The following DPP8 variants were observed in gnomAD, a reference collection of about 807,000 sequenced individuals.
DPP8 encodes the protein dipeptidyl peptidase 8.
A neutral mutation model predicts 107.5 loss-of-function variants in DPP8; 31 were observed. The ratio of observed to expected loss-of-function variants is 0.29; its 90% CI spans 0.22 to 0.39. DPP8 has a LOEUF of 0.39. DPP8 is among the 10% of genes least tolerant of loss of function. DPP8 has a pLI of 1.00. For synonymous variants in DPP8, 381 were observed against 356.6 expected, an observed-to-expected ratio of 1.07 and a Z score of -0.77; for missense variants, 842 against 1,076.1, an observed-to-expected ratio of 0.78 and a Z score of 3.04.
chr15:65,487,784 A>G lies in DPP8; in HGVS notation c.861T>C (p.Tyr287=), dbSNP rs1470963124. The change falls in exon 7 of 20, where the codon TAT becomes TAC. Residue 287 remains tyrosine (Y), a synonymous_variant. Coordinates refer to ENST00000300141, the MANE Select transcript of DPP8 (RefSeq NM_130434.5). ...PSGGKILRIL[Y]EENDESEVEI... is the part of the protein sequence containing the mutation. ...CCACCTCAGATTCATCATTTTCTTCATATAGAATTCTAAGAATTTTACCAC... is the reference window on the plus strand; with the variant it reads ...CCACCTCAGATTCATCATTTTCTTCGTATAGAATTCTAAGAATTTTACCAC... The G allele has an allele frequency of 1.3e-6, 2 of 1,583,196 alleles. No individual in the cohort carries two copies. Among genetic ancestry groups the G allele is most frequent in the Non-Finnish European group, 1.7e-6 (2 of 1,155,718 alleles).
chr15:65,464,485 C>G (rs1233643378), intron 14 of DPP8, among the ~76,000 whole-genome samples: 1 of 152,046 alleles, frequency 6.6e-6, no homozygotes, highest in Non-Finnish European at 1.5e-5. Flanking sequence ...AGTTTGTGAC[C>G]AGCCTGGGTG....
chr15:65,479,850 CAAAAAAAA>C (rs56303808), intron 10 of DPP8, among the ~76,000 whole-genome samples: 6 of 66,760 alleles, frequency 9.0e-5, no homozygotes, highest in Non-Finnish European at 1.8e-4. Context: ...GACTCCGTCT[CAAAAAAAA>C]AAAAAAAAAA....
In DPP8 at chr15:65,451,065, G is replaced by C; in HGVS notation, c.2460C>G (p.Val820=). 1 of 1,613,132 alleles carries C rather than the reference G, an allele frequency of 6.2e-7. No individual in the cohort carries two copies. The change falls in exon 19 of 20, where the codon GTC becomes GTG. Residue 820 remains valine, a synonymous_variant. Transcript: ENST00000300141. ...LLLHGFLDEN[V]HFAHTSILLS... ...GTAATATACTGGTATGTGCAAAATG[G>C]ACATTCTCATCCAGGAAACCATGTA...
At chr15:65,474,158 C>T (rs2066172911) in intron 12 of DPP8, 51 bp downstream of exon 12, 3 of 1,278,656 alleles carry the variant, frequency 2.3e-6, no homozygotes, top group Non-Finnish European at 3.4e-6. Context: ...TTTAGCACTG[C>T]ATTCACACAG....
intron 19 of DPP8, 28 bp from the exon 20 acceptor site, chr15:65,447,034 A>C (rs759933476): frequency 5.2e-5 from 24 of 465,396 alleles, no homozygotes; most frequent in Non-Finnish European, 6.6e-5. Context: ...ATAAAGATAC[A>C]AAAAAAAAAA....
At chr15:65,489,672 C>A (rs1440395637) in intron 6 of DPP8, among the ~76,000 whole-genome samples, 3 of 151,296 alleles carry the variant, frequency 2.0e-5, no homozygotes, top group Non-Finnish European at 2.9e-5. Flanking sequence ...CCTGCCTCAG[C>A]CTTCCAAAGT....
At chr15:65,482,372 C>T (rs909656326) in intron 8 of DPP8, among the ~76,000 whole-genome samples, 4 of 152,038 alleles carry the variant, frequency 2.6e-5, no homozygotes, top group Non-Finnish European at 5.9e-5. Flanking sequence ...ACCTCTGCCT[C>T]CCGGGTTTAA....
intron 10 of DPP8, among the ~76,000 whole-genome samples, chr15:65,479,908 T>C (rs945955180): frequency 7.5e-6 from 1 of 133,740 alleles, no homozygotes; most frequent in African/African-American, 2.7e-5. Flanking sequence ...TTTACCAACA[T>C]AAAAGAGAAA....
At chr15:65,497,512 C>T (rs115430021) in intron 5 of DPP8, among the ~76,000 whole-genome samples, 8,458 of 152,086 alleles carry the variant, frequency 0.056, 810 homozygotes, top group African/African-American at 0.19. Context: ...CCTCAGCCTC[C>T]CAGAGTGCTA....
At position 65,443,828 on chromosome 15, in the gene DPP8, C is replaced by CCA. The variant is rs2063388510; in HGVS notation, c.*3054_*3055dup. On this transcript the variant is annotated 3_prime_UTR_variant, in exon 20 of 20. Coordinates refer to ENST00000300141, the MANE Select transcript of DPP8 (RefSeq NM_130434.5). ...CTATAGAAGAGTTTCTTAAAGTAGT[C>CCA]CACAGATGACTTACTATAGGATCGC... is the stretch of plus-strand genomic sequence containing the variant. The CCA allele has an allele frequency of 6.6e-6, 1 of 152,176 alleles. No individual in the cohort carries two copies. The highest frequency in any genetic ancestry group is 1.5e-5 in the Non-Finnish European group (1 of 68,036). The allele number at this position is 152,176 out of a possible 1,614,324, so 9.4% of individuals were successfully genotyped here.
chr15:65,454,612 C>T (rs919655767), intron 16 of DPP8, among the ~76,000 whole-genome samples, 197 bp from the exon 17 acceptor site: 3 of 152,196 alleles, frequency 2.0e-5, no homozygotes, highest in Admixed American at 6.5e-5. Flanking sequence ...CTGCAACCTC[C>T]GCCTGGTGGA....
chr15:65,454,771 C>T (rs1261704086), intron 16 of DPP8, among the ~76,000 whole-genome samples: 4 of 152,190 alleles, frequency 2.6e-5, no homozygotes, highest in Non-Finnish European at 4.4e-5. Context: ...GTGATTCACC[C>T]GCCTCGGCCT....
At chr15:65,511,639 C>CAAA (rs373452327) in intron 2 of DPP8, among the ~76,000 whole-genome samples, 30 of 110,206 alleles carry the variant, frequency 2.7e-4, no homozygotes, top group South Asian at 6.2e-4. Flanking sequence ...GACCCTGTCT[C>CAAA]AAAAAAAAAA....
rs2063937784 is a variant in DPP8 at position 65,451,053 on chromosome 15, A to G, written c.2472T>C (p.His824=). Residue 824 remains histidine (H), a synonymous_variant, in exon 19 of 20, where the codon CAT becomes CAC. Coordinates refer to ENST00000300141, the MANE Select transcript of DPP8 (RefSeq NM_130434.5). The part of the protein sequence containing the change: ...GFLDENVHFA[H]TSILLSFLVR... ...CTAAAAAACTCAGTAATATACTGGT[A>G]TGTGCAAAATGGACATTCTCATCCA... 2.5e-6 allele frequency: 4 copies of G among 1,612,928 alleles called. No individual in the cohort carries two copies. In the South Asian group the frequency reaches 4.4e-5, roughly 18 times the overall value.
At chr15:65,467,279 A>T in intron 12 of DPP8, 56 bp from the exon 13 acceptor site, 1 of 1,572,786 alleles carries the variant, frequency 6.4e-7, no homozygotes, top group Non-Finnish European at 8.7e-7. Context: ...GGCAAAGCTA[A>T]CCCCCAATTT....
intron 5 of DPP8, among the ~76,000 whole-genome samples, chr15:65,491,423 A>G (rs545645681): frequency 5.3e-5 from 8 of 152,278 alleles, no homozygotes; most frequent in South Asian, 2.1e-4. Context: ...GTATGACCAC[A>G]TCCCTATCGC....
rs763928126 is a variant in DPP8 at position 65,479,046 on chromosome 15, A to T, written c.1297-7T>A. 1.9e-5 allele frequency: 30 copies of T among 1,548,132 alleles called. No homozygotes were observed. In the South Asian group the frequency reaches 3.7e-4, roughly 19 times the overall value. ...CATGAAAGATGTCATGGATCTGTAA[A>T]ATGAATAGCTAAATTTACTATACAT... is the stretch of plus-strand genomic sequence containing the variant. On this transcript the variant is annotated splice_polypyrimidine_tract_variant and splice_region_variant and intron_variant, in intron 10 of 19. Coordinates refer to ENST00000300141, the MANE Select transcript of DPP8 (RefSeq NM_130434.5).
At chr15:65,463,547 A>T (rs2065091399) in intron 15 of DPP8, among the ~76,000 whole-genome samples, 2 of 152,092 alleles carry the variant, frequency 1.3e-5, no homozygotes, top group South Asian at 4.1e-4. Context: ...CATCTCAAAA[A>T]AAAAAAAAAG....
At position 65,500,607 on chromosome 15, in the gene DPP8, G is replaced by A. The variant is rs200120025; in HGVS notation, c.545C>T (p.Thr182Met). The A allele has an allele frequency of 5.4e-5, 87 of 1,613,380 alleles. No individual in the cohort carries two copies. The highest frequency in any genetic ancestry group is 1.7e-4 in the Middle Eastern group (1 of 6,060). ...TAATCACTAGCAACTCCAACTTACC[G>A]TAAATCCTTGTGGCCCTCCATCTTT... ...HVKDGGPQGF[T>M]QQPLRPNLVE... is the part of the protein sequence containing the mutation. The change falls in exon 4 of 20, where the codon ACG (threonine) becomes ATG (methionine). Residue 182 changes from threonine (T) to methionine (M), a missense_variant and splice_region_variant. Thr to Met is a moderately conservative substitution (Grantham distance 81). Transcript: ENST00000300141.
Sources: allele counts gnomAD v4.1 joint callset (sites outside exome capture counted in the v4.1 genomes callset), GRCh38; gene constraint gnomAD v4.1.1; transcripts MANE v1.5; gene names NCBI Gene and HGNC (gene_info 2026-07-23, HGNC 2026-07-21).